GCNT1: variants seen among roughly 807,000 people sequenced by gnomAD.
GCNT1 encodes beta-1,3-galactosyl-O-glycosyl-glycoprotein beta-1,6-N-acetylglucosaminyltransferase.
GCNT1 carries 16 observed loss-of-function variants against 26.2 expected under a neutral mutation model. The ratio of observed to expected loss-of-function variants is 0.61; its 90% CI spans 0.41 to 0.93. The LOEUF is 0.93. GCNT1 is among the 40% of genes least tolerant of loss of function. The pLI is 0.00. For missense variants in GCNT1, 477 were observed against 526.7 expected, an observed-to-expected ratio of 0.91 and a Z score of 0.92; for synonymous variants, 183 against 190.8, an observed-to-expected ratio of 0.96 and a Z score of 0.34.
chr9:76,474,076 G>T (rs115347941), intron 2 of GCNT1, among the ~76,000 whole-genome samples: 1 of 152,144 alleles, frequency 6.6e-6, no homozygotes, highest in African/African-American at 2.4e-5. Flanking sequence ...CTCTAGCTTG[G>T]GTAACAGAGC....
At chr9:76,395,517 G>A in the GCNT1 span, among the ~76,000 whole-genome samples, 1 of 152,050 alleles carries the variant, frequency 6.6e-6, no homozygotes, top group Non-Finnish European at 1.5e-5. Flanking sequence ...AGCCCAGGAG[G>A]TCGAGGCTGC....
intron 2 of GCNT1, among the ~76,000 whole-genome samples, chr9:76,463,691 G>A (rs145402518): frequency 1.4e-3 from 216 of 152,160 alleles, no homozygotes; most frequent in African/African-American, 5.0e-3. Context: ...GGCATTGCTC[G>A]CTCCAGGGCC....
intron 1 of GCNT1, among the ~76,000 whole-genome samples, chr9:76,423,920 A>T (rs1823230516): frequency 6.6e-6 from 1 of 152,204 alleles, no homozygotes; most frequent in Non-Finnish European, 1.5e-5. Context: ...CTTGAACCTG[A>T]CAGAGTTGGT....
upstream of GCNT1, among the ~76,000 whole-genome samples, chr9:76,417,726 C>T (rs1564217456): frequency 6.6e-6 from 1 of 152,154 alleles, no homozygotes; most frequent in East Asian, 1.9e-4. Flanking sequence ...GCTGGTTGTA[C>T]AGGCATTTTC....
chr9:76,435,067 C>G (rs916782064), intron 1 of GCNT1, among the ~76,000 whole-genome samples: 3 of 152,186 alleles, frequency 2.0e-5, no homozygotes, highest in Admixed American at 6.5e-5. Flanking sequence ...TAATTTTGAC[C>G]TTTGCCTTGT....
upstream of GCNT1, among the ~76,000 whole-genome samples, chr9:76,455,125 C>G (rs13292948): frequency 6.6e-6 from 1 of 152,222 alleles, no homozygotes; most frequent in African/African-American, 2.4e-5. Flanking sequence ...AGATTACAGG[C>G]GTGAGCCACC....
chr9:76,433,377 T>C (rs925450645), intron 1 of GCNT1, among the ~76,000 whole-genome samples: 4 of 152,222 alleles, frequency 2.6e-5, no homozygotes, highest in Non-Finnish European at 5.9e-5. Flanking sequence ...CTAAAACAGC[T>C]GTTAGCACAC....
chr9:76,394,031 C>A, the GCNT1 span: 2 of 1,502,560 alleles, frequency 1.3e-6, no homozygotes, highest in Non-Finnish European at 9.0e-7. Context: ...CCCCGGCTGC[C>A]GTCTCTCCCC....
At chr9:76,395,179 CTAGGGAAGT>C in the GCNT1 span, among the ~76,000 whole-genome samples, 9 of 152,270 alleles carry the variant, frequency 5.9e-5, no homozygotes, top group South Asian at 4.2e-4. Flanking sequence ...ACGCACGCTC[CTAGGGAAGT>C]AGCTCTGGGC....
At position 76,502,201 on chromosome 9, in the gene GCNT1, ATATT is replaced by A. The variant is rs1428066706; in HGVS notation, c.-143-30_-143-27del. ...TCTGTATATATATATATATATATAT[ATATT>A]TATTTATATTTATAATTGCTTCTTT... On this transcript the variant is annotated intron_variant, in intron 3 of 3. Coordinates refer to ENST00000376730, the MANE Select transcript of GCNT1 (RefSeq NM_001490.5). The A allele has an allele frequency of 3.8e-5, 7 of 183,952 alleles. No individual in the cohort carries two copies. In the South Asian group the frequency reaches 5.9e-4, roughly 16 times the overall value. 11.4% of individuals were successfully genotyped at this position (183,952 alleles called of 1,614,324 possible).
intron 1 of GCNT1, among the ~76,000 whole-genome samples, chr9:76,427,403 C>T (rs1202756528): frequency 6.6e-6 from 1 of 152,036 alleles, no homozygotes; most frequent in African/African-American, 2.4e-5. Flanking sequence ...TGGTCTCAAA[C>T]TCCTGGGCTC....
At chr9:76,497,821 T>A (rs535890700) in intron 2 of GCNT1, among the ~76,000 whole-genome samples, 129 of 152,378 alleles carry the variant, frequency 8.5e-4, no homozygotes, top group African/African-American at 2.7e-3. Context: ...CTGTTTACTT[T>A]GGTGAACTTT....
At chr9:76,465,701 C>G (rs1242296491) in intron 2 of GCNT1, among the ~76,000 whole-genome samples, 1 of 152,148 alleles carries the variant, frequency 6.6e-6, no homozygotes, top group East Asian at 1.9e-4. Context: ...TTGCAGTCAC[C>G]CAGTGATGGC....
chr9:76,417,832 T>A (rs1453655479), upstream of GCNT1, among the ~76,000 whole-genome samples: 1 of 152,178 alleles, frequency 6.6e-6, no homozygotes, highest in Non-Finnish European at 1.5e-5. Flanking sequence ...ATGGCAAAGC[T>A]CACACATCAC....
intron 2 of GCNT1, among the ~76,000 whole-genome samples, chr9:76,468,961 A>G (rs778959846): frequency 2.0e-5 from 3 of 152,224 alleles, no homozygotes. Context: ...CAGAATTGTC[A>G]TACTACTTTA....
At chr9:76,436,768 G>A (rs879851655), upstream of GCNT1, among the ~76,000 whole-genome samples, 5 of 152,140 alleles carry the variant, frequency 3.3e-5, no homozygotes, top group Non-Finnish European at 5.9e-5. Context: ...AGGAAGTAAA[G>A]GCAATGGATA....
rs541468780 is a variant in GCNT1 at position 76,433,178 on chromosome 9, C to G, written n.38+13291C>G. Among the ~76,000 whole-genome samples, 65 of 152,310 alleles carry G rather than the reference C, an allele frequency of 4.3e-4. 1 individual carries two copies. Among genetic ancestry groups the G allele is most frequent in the Non-Finnish European group, 7.9e-4 (54 of 68,034 alleles). ...GATGCGGACCAAGAACTTGGGACCC[C>G]TCCGAATGCAGGTACAAAGACGACA... On this transcript the variant is annotated intron_variant and non_coding_transcript_variant, in intron 1 of 3. Transcript: ENST00000488136.
the GCNT1 span, among the ~76,000 whole-genome samples, chr9:76,405,987 A>G: frequency 1.3e-5 from 2 of 152,230 alleles, no homozygotes; most frequent in African/African-American, 4.8e-5. Flanking sequence ...CAAAATGACT[A>G]TACCATTTTG....
chr9:76,397,478 C>G, the GCNT1 span, among the ~76,000 whole-genome samples: 2 of 148,318 alleles, frequency 1.3e-5, no homozygotes, highest in Middle Eastern at 3.3e-3. Flanking sequence ...GAGTCTCACT[C>G]TGTCACTCAG....
Sources: allele counts gnomAD v4.1 joint callset (sites outside exome capture counted in the v4.1 genomes callset), GRCh38; gene constraint gnomAD v4.1.1; transcripts MANE v1.5; gene names NCBI Gene and HGNC (gene_info 2026-07-23, HGNC 2026-07-21).